Variants in CDH4 observed in about 807,000 individuals in gnomAD.
The protein encoded by CDH4 is cadherin-4.
A neutral mutation model predicts 86.0 loss-of-function variants in CDH4; 33 were observed. The observed-to-expected ratio is 0.38, with a 90% CI of 0.29 to 0.51. The LOEUF is 0.51. Ranked by LOEUF, CDH4 falls within the 20% of genes least tolerant of loss-of-function variation. The probability of loss-of-function intolerance (pLI) is 0.86; values close to 1 mark genes in which losing one functional copy is unlikely to be tolerated. For missense variants in CDH4, 1,114 were observed against 1,307.4 expected, an observed-to-expected ratio of 0.85 and a Z score of 2.28; for synonymous variants, 555 against 549.4, an observed-to-expected ratio of 1.01 and a Z score of -0.14.
intron 15 of CDH4, among the ~76,000 whole-genome samples, chr20:61,935,889 A>G (rs2055177164): frequency 5.3e-5 from 8 of 152,194 alleles, no homozygotes; most frequent in Admixed American, 5.2e-4. Context: ...CCATTTCAGA[A>G]AAATCTAAAA....
intron 11 of CDH4, among the ~76,000 whole-genome samples, chr20:61,924,685 A>T (rs1236187044): frequency 6.8e-6 from 1 of 146,992 alleles, no homozygotes; most frequent in African/African-American, 2.5e-5. Flanking sequence ...CCCTCCACCC[A>T]CTCCCATGTC....
At chr20:61,620,466 T>C (rs1334948101) in intron 2 of CDH4, among the ~76,000 whole-genome samples, 3 of 151,672 alleles carry the variant, frequency 2.0e-5, no homozygotes, top group Non-Finnish European at 4.4e-5. Context: ...TGATAGATGA[T>C]GGATGGATAG....
At chr20:61,367,168 A>G (rs1432513777) in intron 2 of CDH4, among the ~76,000 whole-genome samples, 1 of 152,160 alleles carries the variant, frequency 6.6e-6, no homozygotes, top group Non-Finnish European at 1.5e-5. Flanking sequence ...CAGAGCCGTC[A>G]CTTCCCCCAG....
chr20:61,779,231 A>G (rs1406183469), intron 4 of CDH4, among the ~76,000 whole-genome samples: 1 of 152,218 alleles, frequency 6.6e-6, no homozygotes, highest in African/African-American at 2.4e-5. Context: ...TGCAGGAATC[A>G]GCGAATCAGC....
At chr20:61,371,805 G>T (rs1264294619) in intron 2 of CDH4, among the ~76,000 whole-genome samples, 2 of 152,240 alleles carry the variant, frequency 1.3e-5, no homozygotes, top group African/African-American at 4.8e-5. Context: ...GAGTGTGCTG[G>T]TGCACATCTT....
At chr20:61,568,142 T>A (rs1391016379) in intron 2 of CDH4, among the ~76,000 whole-genome samples, 1 of 152,146 alleles carries the variant, frequency 6.6e-6, no homozygotes, top group Non-Finnish European at 1.5e-5. Context: ...GATGAACCCT[T>A]CTCATGAGAA....
intron 9 of CDH4, 95 bp from the exon 10 acceptor site, chr20:61,923,356 G>A (rs1378876686): frequency 1.6e-6 from 2 of 1,235,698 alleles, no homozygotes; most frequent in Non-Finnish European, 2.3e-6. Flanking sequence ...ACATGGCTCA[G>A]GGAGGGGTGG....
intron 2 of CDH4, among the ~76,000 whole-genome samples, chr20:61,372,156 C>G (rs6121753): frequency 0.035 from 5,290 of 152,292 alleles, 121 homozygotes; most frequent in Middle Eastern, 0.065. Flanking sequence ...AAGCGTGTGA[C>G]CTGTGTGGAT....
At chr20:61,500,542 TTTG>T (rs1318898206) in intron 2 of CDH4, among the ~76,000 whole-genome samples, 1 of 152,186 alleles carries the variant, frequency 6.6e-6, no homozygotes, top group Admixed American at 6.5e-5. Context: ...ACCAGGTATA[TTTG>T]TTGTGCTGGG....
At chr20:61,556,894 CG>C (rs1382135130) in intron 2 of CDH4, among the ~76,000 whole-genome samples, 5 of 152,102 alleles carry the variant, frequency 3.3e-5, no homozygotes, top group African/African-American at 1.2e-4. Flanking sequence ...CGTGAGGCGC[CG>C]CCATCCTCAC....
chr20:61,922,127 CA>C (rs2054989507), intron 9 of CDH4, among the ~76,000 whole-genome samples: 1 of 152,168 alleles, frequency 6.6e-6, no homozygotes, highest in Non-Finnish European at 1.5e-5. Flanking sequence ...ATGTTTGGGT[CA>C]TTTCCAGCAT....
intron 2 of CDH4, among the ~76,000 whole-genome samples, chr20:61,465,351 A>G (rs965869406): frequency 6.6e-6 from 1 of 151,734 alleles, no homozygotes; most frequent in Non-Finnish European, 1.5e-5. Context: ...AGGAGTGGAT[A>G]TTGAACCTGG....
At position 61,534,665 on chromosome 20, in the gene CDH4, C is replaced by CTTTTTTTTTTTTTTTTTTTTTTTTT. The variant is rs34309371; in HGVS notation, c.170-208876_170-208875insTTTTTTTTTTTTTTTTTTTTTTTTT. Among the ~76,000 whole-genome samples the CTTTTTTTTTTTTTTTTTTTTTTTTT allele has an allele frequency of 3.2e-4, 24 of 76,062 alleles. 1 individual carries two copies. The highest frequency in any genetic ancestry group is 1.4e-3 in the African/African-American group (13 of 9,294). The allele number at this position is 76,062 out of a possible 152,430, so 49.9% of individuals were successfully genotyped here. A position where few individuals can be genotyped will look rare whatever the true frequency, so the allele number is the denominator to read the frequency against. On this transcript the variant is annotated intron_variant, in intron 2 of 15. Coordinates refer to ENST00000614565, the MANE Select transcript of CDH4 (RefSeq NM_001794.5). ...CTTTCTTTCTTTTCTTTCTTTCTTT[C>CTTTTTTTTTTTTTTTTTTTTTTTTT]TTTTTTTTTTTTTTTTTTTTTTGAG...
intron 2 of CDH4, among the ~76,000 whole-genome samples, chr20:61,696,403 A>C (rs1568761418): frequency 6.6e-6 from 1 of 152,246 alleles, no homozygotes; most frequent in African/African-American, 2.4e-5. Flanking sequence ...ACTTGGGCTG[A>C]GGATGCTAGA....
At chr20:61,619,558 C>T (rs1343046013) in intron 2 of CDH4, among the ~76,000 whole-genome samples, 1 of 152,300 alleles carries the variant, frequency 6.6e-6, no homozygotes, top group Non-Finnish European at 1.5e-5. Flanking sequence ...CCCCTCACAC[C>T]GAAGAAGAGT....
intron 5 of CDH4, among the ~76,000 whole-genome samples, chr20:61,845,731 C>G (rs953062468): frequency 1.3e-5 from 2 of 152,196 alleles, no homozygotes; most frequent in African/African-American, 4.8e-5. Flanking sequence ...CAGCACAAGC[C>G]CGTGCTGTCA....
At chr20:61,332,818 G>T (rs571860016) in intron 2 of CDH4, among the ~76,000 whole-genome samples, 1 of 152,322 alleles carries the variant, frequency 6.6e-6, no homozygotes, top group Non-Finnish European at 1.5e-5. Context: ...CCTTCCTCTG[G>T]CCTCACCCTG....
intron 2 of CDH4, among the ~76,000 whole-genome samples, chr20:61,299,310 C>G (rs935491277): frequency 6.6e-6 from 1 of 152,162 alleles, no homozygotes; most frequent in East Asian, 1.9e-4. Context: ...GGTGAGGGCT[C>G]CTCCCAATGG....
intron 13 of CDH4, among the ~76,000 whole-genome samples, chr20:61,930,080 GC>G (rs1275459047): frequency 1.3e-5 from 2 of 152,218 alleles, no homozygotes; most frequent in Admixed American, 6.5e-5. Flanking sequence ...CCATGGCCTG[GC>G]CCCTTTCCAC....
Sources: gnomAD v4.1 joint callset for allele counts (sites outside exome capture counted in the v4.1 genomes callset) on GRCh38, gnomAD v4.1.1 for gene constraint, MANE v1.5 for transcripts, NCBI Gene and HGNC (gene_info 2026-07-23, HGNC 2026-07-21) for gene names.